Variants in LRP6 observed in about 807,000 individuals in gnomAD.
The protein encoded by LRP6 is low-density lipoprotein receptor-related protein 6.
Under a neutral mutation model 184.1 loss-of-function variants are expected in LRP6, and 43 were observed. The ratio of observed to expected loss-of-function variants is 0.23; its 90% CI spans 0.18 to 0.30. The LOEUF is 0.30. Ranked by LOEUF, LRP6 falls within the 10% of genes least tolerant of loss-of-function variation. LRP6 has a pLI of 1.00. For synonymous variants in LRP6, 719 were observed against 684.9 expected (o/e 1.05, Z -0.78); for missense variants, 1,571 against 2,005.3 (o/e 0.78, Z 4.14).
intron 17 of LRP6, among the ~76,000 whole-genome samples, chr12:12,132,515 G>A (rs1304938753): frequency 1.2e-4 from 18 of 152,130 alleles, no homozygotes; most frequent in Non-Finnish European, 2.9e-5. Flanking sequence ...ATAACATTAA[G>A]ATGTCATTGC....
At chr12:12,172,271 T>G (rs779261807) in intron 7 of LRP6, among the ~76,000 whole-genome samples, 5 of 152,226 alleles carry the variant, frequency 3.3e-5, no homozygotes, top group Admixed American at 6.5e-5. Flanking sequence ...TAAACCACAC[T>G]GAGAATATAG....
chr12:12,203,432 C>T, intron 2 of LRP6, 32 bp from the exon 3 acceptor site: 1 of 1,523,460 alleles, frequency 6.6e-7, no homozygotes, highest in Non-Finnish European at 9.1e-7. Flanking sequence ...AAAGCCATGA[C>T]AGAGCAGATA....
intron 2 of LRP6, among the ~76,000 whole-genome samples, chr12:12,219,221 T>G (rs1454876518): frequency 6.6e-6 from 1 of 152,200 alleles, no homozygotes; most frequent in African/African-American, 2.4e-5. Flanking sequence ...TTTGTTTGTT[T>G]TTTGAGACAG....
In LRP6 at chr12:12,149,018, C is replaced by T. The variant is rs140182370; in HGVS notation, c.3130G>A (p.Asp1044Asn). 6.6e-4 allele frequency: 1,072 copies of T among 1,613,974 alleles called. No homozygotes were observed. The highest frequency in any genetic ancestry group is 8.5e-4 in the Non-Finnish European group (1,002 of 1,180,022). ...AGCACCACTCCAACTGATCTCCCAT[C>T]TAATCTTGTCACATTAATGACATTG... ...ATNVINVTRL[D>N]GRSVGVVLKG... The change falls in exon 14 of 23, where the codon GAT becomes AAT. Residue 1044 changes from aspartate (D) to asparagine (N), a missense_variant. By Grantham distance (23) the Asp-to-Asn change is conservative (BLOSUM62 1). Around this residue, in one of 4 missense-constraint regions of LRP6, gnomAD observed 763 missense variants for 859.5 expected, o/e 0.89. Coordinates refer to ENST00000261349, the MANE Select transcript of LRP6 (RefSeq NM_002336.3).
intron 22 of LRP6, among the ~76,000 whole-genome samples, chr12:12,121,819 C>T (rs1283815998): frequency 6.6e-6 from 1 of 152,158 alleles, no homozygotes; most frequent in Non-Finnish European, 1.5e-5. Flanking sequence ...AGCATTCCCT[C>T]AACATTCTTT....
intron 2 of LRP6, among the ~76,000 whole-genome samples, chr12:12,223,312 T>C (rs531179326): frequency 1.3e-5 from 2 of 152,216 alleles, no homozygotes; most frequent in African/African-American, 4.8e-5. Flanking sequence ...ACAAACCAAG[T>C]GTTTAACAGA....
At chr12:12,124,447 TA>T in intron 22 of LRP6, 117 bp downstream of exon 22, 2 of 752,064 alleles carry the variant, frequency 2.7e-6, no homozygotes, top group African/African-American at 3.5e-5. Flanking sequence ...ACTATCAAGA[TA>T]AGATGACTAG....
intron 9 of LRP6, among the ~76,000 whole-genome samples, chr12:12,162,840 T>C (rs866125243): frequency 6.6e-6 from 1 of 152,218 alleles, no homozygotes; most frequent in African/African-American, 2.4e-5. Context: ...ACTACCATTA[T>C]AGCACTGAGT....
chr12:12,151,128 A>C, intron 12 of LRP6, 90 bp from the exon 13 acceptor site: 5 of 1,161,690 alleles, frequency 4.3e-6, no homozygotes, highest in Non-Finnish European at 6.3e-6. Flanking sequence ...TATGTATTTC[A>C]TACAAAACAG....
At chr12:12,215,513 C>T (rs1303037285) in intron 2 of LRP6, among the ~76,000 whole-genome samples, 1 of 151,740 alleles carries the variant, frequency 6.6e-6, no homozygotes, top group African/African-American at 2.4e-5. Context: ...GCAACCTCTG[C>T]CTCCCGAGTT....
At chr12:12,263,771 C>G (rs950653291) in intron 1 of LRP6, among the ~76,000 whole-genome samples, 31 of 150,968 alleles carry the variant, frequency 2.1e-4, no homozygotes, top group African/African-American at 7.5e-4. Flanking sequence ...GAGGTCCAGG[C>G]TGCAGTGAGC....
chr12:12,186,833 C>A (rs914215121), intron 4 of LRP6, 90 bp downstream of exon 4: 1 of 1,096,644 alleles, frequency 9.1e-7, no homozygotes, highest in South Asian at 1.2e-5. Context: ...TTTGGATATG[C>A]CCTCCCTCCT....
At chr12:12,187,324 A>G (rs547796481) in intron 3 of LRP6, 3 of 573,618 alleles carry the variant, frequency 5.2e-6, no homozygotes, top group Non-Finnish European at 9.3e-6. Context: ...AGCCCCAAAC[A>G]AGCATTTGGG....
chr12:12,163,946 A>G (rs578160748), intron 9 of LRP6, among the ~76,000 whole-genome samples: 2 of 152,260 alleles, frequency 1.3e-5, no homozygotes, highest in African/African-American at 4.8e-5. Context: ...CCTGGCCAAC[A>G]TGGTGAAACC....
chr12:12,130,478 G>A (rs1949735538), intron 19 of LRP6, among the ~76,000 whole-genome samples: 4 of 152,136 alleles, frequency 2.6e-5, no homozygotes, highest in South Asian at 2.1e-4. Flanking sequence ...GAGCCACCAC[G>A]CCCGGCTGAT....
At chr12:12,148,301 TTAATC>T (rs1355999458) in intron 14 of LRP6, among the ~76,000 whole-genome samples, 4 of 151,850 alleles carry the variant, frequency 2.6e-5, no homozygotes, top group Admixed American at 2.6e-4. Flanking sequence ...TTCTTTCTAA[TTAATC>T]TATTTAATAA....
At chr12:12,251,089 C>A (rs573122587) in intron 1 of LRP6, among the ~76,000 whole-genome samples, 1 of 151,988 alleles carries the variant, frequency 6.6e-6, no homozygotes, top group Non-Finnish European at 1.5e-5. Flanking sequence ...CGCCACCACA[C>A]CCAGCTAATT....
chr12:12,198,530 C>CTT (rs56150307), intron 3 of LRP6, among the ~76,000 whole-genome samples: 915 of 76,950 alleles, frequency 0.012, 10 homozygotes, highest in African/African-American at 0.025. Context: ...GAATTTTTCT[C>CTT]TTTTTTTTTT....
Position 12,244,275 on chromosome 12 carries a change from C to A in LRP6, c.436G>T (p.Asp146Tyr), listed in dbSNP as rs776107621. The change falls in exon 2 of 23, where the codon GAT (aspartate) becomes TAT (tyrosine). Residue 146 changes from aspartate to tyrosine, a missense_variant. By Grantham distance (160) the Asp-to-Tyr change is radical. Around this residue, in one of 4 missense-constraint regions of LRP6, gnomAD observed 640 missense variants for 851.9 expected, o/e 0.75. Transcript: ENST00000261349. The part of the protein sequence containing the change: ...ELDQPRAIAL[D>Y]PSSGFMYWTD... ...ACAAAAACTTACCCACTTGAAGGATCTAAGGCAATAGCTCTGGGTTGATCC... is the reference window on the plus strand; with the variant it reads ...ACAAAAACTTACCCACTTGAAGGATATAAGGCAATAGCTCTGGGTTGATCC... The A allele has an allele frequency of 3.1e-6, 5 of 1,614,014 alleles. No individual in the cohort carries two copies. The African/African-American group carries it at 6.7e-5, about 22-fold the overall frequency.
Sources: allele counts gnomAD v4.1 joint callset (sites outside exome capture counted in the v4.1 genomes callset), GRCh38; gene constraint gnomAD v4.1.1; regional missense constraint gnomAD v4.1.1; transcripts MANE v1.5; gene names NCBI Gene and HGNC (gene_info 2026-07-23, HGNC 2026-07-21).